Variants in BPNT2 observed in about 807,000 individuals in gnomAD.
The protein encoded by BPNT2 is Golgi-resident adenosine 3',5'-bisphosphate 3'-phosphatase.
Under a neutral mutation model 29.3 loss-of-function variants are expected in BPNT2, and 11 were observed. The observed-to-expected ratio is 0.38, with a 90% CI of 0.24 to 0.62. The LOEUF (loss-of-function observed/expected upper bound fraction) is 0.62, where lower values mean the gene tolerates loss of function less well. Among genes scored for constraint, BPNT2 ranks in the 20% least tolerant of loss-of-function variants. The pLI is 0.62. For synonymous variants in BPNT2, 195 were observed against 187.7 expected (o/e 1.04, Z -0.32); for missense variants, 459 against 473.4 (o/e 0.97, Z 0.28).
chr8:56,990,926 A>G (rs761281612), intron 1 of BPNT2, among the ~76,000 whole-genome samples: 1 of 152,218 alleles, frequency 6.6e-6, no homozygotes, highest in Non-Finnish European at 1.5e-5. Context: ...GATAAAAGAA[A>G]GAAGTATCTG....
Position 56,993,211 on chromosome 8 carries a change from G to A in BPNT2, c.375C>T (p.Phe125=). ...CGTGGGCTCCCACCTGGACGCTGGG[G>A]AAGGCGGTCTTGAGCAGGTAGAACA... ...RKMFYLLKTA[F]PSVQINTEEH... The change falls in exon 1 of 5, where the codon TTC becomes TTT. Residue 125 remains phenylalanine, a synonymous_variant. Coordinates refer to ENST00000262644, the MANE Select transcript of BPNT2 (RefSeq NM_017813.5). The A allele has an allele frequency of 1.0e-5, 16 of 1,601,068 alleles. No homozygotes were observed. The highest frequency in any genetic ancestry group is 1.4e-5 in the Non-Finnish European group (16 of 1,179,252).
intron 1 of BPNT2, among the ~76,000 whole-genome samples, 165 bp from the exon 2 acceptor site, chr8:56,980,362 A>T (rs1806219567): frequency 6.6e-6 from 1 of 152,198 alleles, no homozygotes. Context: ...AAAATGAAAA[A>T]AAAAAATCCA....
chr8:56,962,185 A>G lies in BPNT2; in HGVS notation c.*1608T>C, dbSNP rs888455402. On this transcript the variant is annotated 3_prime_UTR_variant, in exon 5 of 5. Coordinates refer to ENST00000262644, the MANE Select transcript of BPNT2 (RefSeq NM_017813.5). ...TGAAAAGGCCTACTGCTAAGGCCCAACACCTTCTCGAATTTGACCAGTTGC... is the reference window on the plus strand; with the variant it reads ...TGAAAAGGCCTACTGCTAAGGCCCAGCACCTTCTCGAATTTGACCAGTTGC... The G allele has an allele frequency of 4.6e-5, 7 of 152,226 alleles. No individual in the cohort carries two copies. Among genetic ancestry groups the G allele is most frequent in the Admixed American group, 1.3e-4 (2 of 15,286 alleles). 9.4% of individuals were successfully genotyped at this position (152,226 alleles called of 1,614,324 possible). A position where few individuals can be genotyped will look rare whatever the true frequency, so the allele number is the denominator to read the frequency against.
chr8:56,977,914 T>C (rs1457166027), intron 3 of BPNT2, 136 bp downstream of exon 3: 3 of 694,910 alleles, frequency 4.3e-6, no homozygotes, highest in Non-Finnish European at 5.2e-6. Flanking sequence ...TTAAGACACA[T>C]AATTTGTGTT....
intron 2 of BPNT2, among the ~76,000 whole-genome samples, chr8:56,979,432 T>C (rs866577886): frequency 8.5e-5 from 13 of 152,172 alleles, no homozygotes; most frequent in Non-Finnish European, 1.8e-4. Flanking sequence ...TGTGCTGTAA[T>C]TTTAGTTACT....
In BPNT2 at chr8:56,993,775, C is replaced by T; in HGVS notation, c.-190G>A. On this transcript the variant is annotated 5_prime_UTR_variant, in exon 1 of 5. Coordinates refer to ENST00000262644, the MANE Select transcript of BPNT2 (RefSeq NM_017813.5). ...AGTTGCGCCGCGAAGACCACCAACGCCGCCCCGCGCGCCTGACTCGCCAGG... is the reference window on the plus strand; with the variant it reads ...AGTTGCGCCGCGAAGACCACCAACGTCGCCCCGCGCGCCTGACTCGCCAGG... 1 of 727,792 alleles carries T rather than the reference C, an allele frequency of 1.4e-6. No homozygotes were observed. Among genetic ancestry groups the T allele is most frequent in the Non-Finnish European group, 1.7e-6 (1 of 591,748 alleles). The allele number at this position is 727,792 out of a possible 1,614,324, so 45.1% of individuals were successfully genotyped here.
Position 56,993,124 on chromosome 8 carries a change from T to A in BPNT2, c.387+75A>T, listed in dbSNP as rs1806445668. On this transcript the variant is annotated intron_variant, in intron 1 of 4. Coordinates refer to ENST00000262644, the MANE Select transcript of BPNT2 (RefSeq NM_017813.5). ...ACAAAATGGAACCAGAAGCTCCACA[T>A]CCCATACTGTTAAGAGTCGACGGGC... 3.2e-6 allele frequency: 5 copies of A among 1,543,126 alleles called. No individual in the cohort carries two copies. In the Admixed American group the frequency reaches 5.8e-5, roughly 18 times the overall value.
At chr8:56,972,083 C>T (rs1286703934) in intron 3 of BPNT2, among the ~76,000 whole-genome samples, 1 of 150,664 alleles carries the variant, frequency 6.6e-6, no homozygotes, top group Non-Finnish European at 1.5e-5. Context: ...GAGACTCCGT[C>T]TCAAAAAAAA....
At chr8:56,980,925 T>C (rs556384673) in intron 1 of BPNT2, among the ~76,000 whole-genome samples, 9 of 151,316 alleles carry the variant, frequency 5.9e-5, no homozygotes, top group Non-Finnish European at 1.2e-4. Context: ...AACATATATA[T>C]ACATGTGTTT....
At position 56,962,417 on chromosome 8, in the gene BPNT2, G is replaced by A. The variant is rs149350368; in HGVS notation, c.*1376C>T. On this transcript the variant is annotated 3_prime_UTR_variant, in exon 5 of 5. Transcript: ENST00000262644. The stretch of plus-strand genomic sequence containing the variant: ...AAAAAATTTAGCAAAGAAAGAAACC[G>A]TGAGAAATCCCTCTCATCAGCATGT... The A allele has an allele frequency of 7.1e-4, 108 of 152,274 alleles. 1 individual carries two copies. The highest frequency in any genetic ancestry group is 2.4e-3 in the African/African-American group (100 of 41,560). 9.4% of individuals were successfully genotyped at this position (152,274 alleles called of 1,614,324 possible).
At chr8:56,967,518 G>C (rs1283906542) in intron 3 of BPNT2, among the ~76,000 whole-genome samples, 2 of 152,182 alleles carry the variant, frequency 1.3e-5, no homozygotes, top group Non-Finnish European at 2.9e-5. Flanking sequence ...TAAGAGGTCA[G>C]AGAACTCTCA....
intron 4 of BPNT2, among the ~76,000 whole-genome samples, chr8:56,965,175 C>T (rs1805918810): frequency 6.6e-6 from 1 of 151,930 alleles, no homozygotes. Flanking sequence ...AAAAATTAGC[C>T]AGGCATGGTG....
intron 1 of BPNT2, among the ~76,000 whole-genome samples, chr8:56,991,521 T>C (rs1245371706): frequency 6.6e-6 from 1 of 152,254 alleles, no homozygotes; most frequent in East Asian, 1.9e-4. Flanking sequence ...ATTTCACTAT[T>C]ACTGCTTTTA....
intron 1 of BPNT2, 108 bp from the exon 2 acceptor site, chr8:56,980,305 T>C: frequency 3.5e-6 from 3 of 856,494 alleles, no homozygotes; most frequent in Non-Finnish European, 5.7e-6. Flanking sequence ...AATAAGTAAA[T>C]CCCTATTTTT....
intron 1 of BPNT2, among the ~76,000 whole-genome samples, chr8:56,992,579 G>A (rs1585570918): frequency 6.6e-6 from 1 of 152,076 alleles, no homozygotes; most frequent in Non-Finnish European, 1.5e-5. Context: ...CAAGGGCCAG[G>A]TAGGACCAAC....
In BPNT2 at chr8:56,981,944, T is replaced by C. The variant is rs76149670; in HGVS notation, c.388-1747A>G. On this transcript the variant is annotated intron_variant, in intron 1 of 4. Coordinates refer to ENST00000262644, the MANE Select transcript of BPNT2 (RefSeq NM_017813.5). ...TTACAGCACTGACAATACATGAGTA[T>C]TGTCAATACAACATCTCTCACCTAT... Among the ~76,000 whole-genome samples the C allele has an allele frequency of 9.9e-3, 1,506 of 152,158 alleles. 26 individuals carry two copies. The highest frequency in any genetic ancestry group is 0.034 in the African/African-American group (1,423 of 41,508).
At chr8:56,972,449 A>T (rs187275217) in intron 3 of BPNT2, among the ~76,000 whole-genome samples, 96 of 152,276 alleles carry the variant, frequency 6.3e-4, no homozygotes, top group African/African-American at 2.1e-3. Context: ...AAAAACAAGA[A>T]AACTCATGAA....
At chr8:56,992,732 A>T in intron 1 of BPNT2, among the ~76,000 whole-genome samples, 1 of 138,904 alleles carries the variant, frequency 7.2e-6, no homozygotes, top group South Asian at 2.7e-4. Context: ...GCACACACAA[A>T]TGCCCCGCAC....
chr8:56,983,858 A>G (rs1160452593), intron 1 of BPNT2, among the ~76,000 whole-genome samples: 1 of 151,848 alleles, frequency 6.6e-6, no homozygotes, highest in Non-Finnish European at 1.5e-5. Context: ...GGAAGAGGGG[A>G]AAAAAAATAC....
Sources: gnomAD v4.1 joint callset for allele counts (sites outside exome capture counted in the v4.1 genomes callset) on GRCh38, gnomAD v4.1.1 for gene constraint, MANE v1.5 for transcripts, NCBI Gene and HGNC (gene_info 2026-07-23, HGNC 2026-07-21) for gene names.